CRLF3: variants seen among roughly 807,000 people sequenced by gnomAD.
CRLF3 encodes the protein cytokine receptor like factor 3.
Under a neutral mutation model 55.0 loss-of-function variants are expected in CRLF3, and 33 were observed. That is an observed-to-expected ratio of 0.60 (90% CI 0.46 to 0.80). CRLF3 has a LOEUF of 0.80. CRLF3 is among the 30% of genes least tolerant of loss of function. The pLI, the probability that CRLF3 is intolerant of heterozygous loss-of-function variation, is 0.00. For missense variants in CRLF3, 494 were observed against 538.4 expected, an observed-to-expected ratio of 0.92 and a Z score of 0.82; for synonymous variants, 238 against 196.8, an observed-to-expected ratio of 1.21 and a Z score of -1.75.
At chr17:30,821,135 A>G (rs1904984181) in intron 1 of CRLF3, among the ~76,000 whole-genome samples, 2 of 151,596 alleles carry the variant, frequency 1.3e-5, no homozygotes, top group South Asian at 4.2e-4. Flanking sequence ...TGTTCATCTG[A>G]GCCCAGGAGG....
rs901865782 is a variant in CRLF3, at chr17:30,796,870, G to A, written c.425+441C>T. On this transcript the variant is annotated intron_variant, in intron 3 of 7. Coordinates refer to ENST00000324238, the MANE Select transcript of CRLF3 (RefSeq NM_015986.4). ...TCTCGAGTAGCTGGGACTTACAGGC[G>A]CACGCCACCATGCCCGGATAATTTT... is the stretch of plus-strand genomic sequence containing the variant. Among the ~76,000 whole-genome samples the A allele has an allele frequency of 5.9e-5, 9 of 151,516 alleles. No individual in the cohort carries two copies. The South Asian group carries it at 6.3e-4, about 11-fold the overall frequency.
chr17:30,808,578 G>A lies in CRLF3; in HGVS notation c.130-4470C>T, dbSNP rs949257811. On this transcript the variant is annotated intron_variant, in intron 1 of 7. Coordinates refer to ENST00000324238, the MANE Select transcript of CRLF3 (RefSeq NM_015986.4). ...GCTGGAATTACAGGCGTGAGCCAAC[G>A]CGCCCAGCCAAACCTGTATATATAT... Among the ~76,000 whole-genome samples, 13 of 150,716 alleles carry A rather than the reference G, an allele frequency of 8.6e-5. No individual in the cohort carries two copies. The South Asian group carries it at 1.3e-3, about 15-fold the overall frequency.
chr17:30,815,583 G>C (rs1387987593), intron 1 of CRLF3, among the ~76,000 whole-genome samples: 1 of 120,464 alleles, frequency 8.3e-6, no homozygotes, highest in African/African-American at 3.2e-5. Context: ...CCACTCTGTT[G>C]CCCAGGCTGA....
At chr17:30,789,327 A>C (rs1971731130) in intron 6 of CRLF3, among the ~76,000 whole-genome samples, 1 of 152,178 alleles carries the variant, frequency 6.6e-6, no homozygotes, top group Non-Finnish European at 1.5e-5. Context: ...CCAATGTCTT[A>C]ATAAATATTT....
intron 1 of CRLF3, among the ~76,000 whole-genome samples, chr17:30,816,281 CA>C (rs547414738): frequency 0.021 from 1,349 of 64,332 alleles, 17 homozygotes; most frequent in African/African-American, 0.064. Context: ...GACTCCATCT[CA>C]AAAAAAAAAA....
rs370829763 is a variant in CRLF3, at chr17:30,792,611, CT to C, written c.827-40del. The C allele has an allele frequency of 5.3e-5, 83 of 1,572,072 alleles. No individual in the cohort carries two copies. The African/African-American group carries it at 9.7e-4, about 18-fold the overall frequency. The stretch of plus-strand genomic sequence containing the variant: ...AAGATATTGAAAACTGTTAGAATCT[CT>C]TGAGGGATATCTTCAATACAGACAC... On this transcript the variant is annotated intron_variant, in intron 5 of 7. Coordinates refer to ENST00000324238, the MANE Select transcript of CRLF3 (RefSeq NM_015986.4).
At position 30,783,058 on chromosome 17, in the gene CRLF3, C is replaced by G. The variant is rs1971536150; in HGVS notation, c.*1129G>C. On this transcript the variant is annotated 3_prime_UTR_variant, in exon 8 of 8. Coordinates refer to ENST00000324238, the MANE Select transcript of CRLF3 (RefSeq NM_015986.4). ...TAAGTATTTACGCTATATTTTTTTG[C>G]TCTGCTAAAAAGAGACCACTTATTA... 6.6e-6 allele frequency: 1 copy of G among 151,912 alleles called. No individual in the cohort carries two copies. The highest frequency in any genetic ancestry group is 2.4e-5 in the African/African-American group (1 of 41,350). The allele number at this position is 151,912 out of a possible 1,614,324, so 9.4% of individuals were successfully genotyped here.
At chr17:30,787,487 T>C (rs1461198350) in intron 6 of CRLF3, 2 of 151,536 alleles carry the variant, frequency 1.3e-5, no homozygotes, top group African/African-American at 4.9e-5. Flanking sequence ...CAGATCCCTA[T>C]TGCCAGACAC....
At chr17:30,804,312 T>G (rs1388289336) in intron 1 of CRLF3, among the ~76,000 whole-genome samples, 2 of 152,220 alleles carry the variant, frequency 1.3e-5, no homozygotes, top group African/African-American at 4.8e-5. Flanking sequence ...CTAATTAACA[T>G]GTCCATCTCT....
chr17:30,817,445 A>C (rs1053040872), intron 1 of CRLF3, among the ~76,000 whole-genome samples: 1 of 152,002 alleles, frequency 6.6e-6, no homozygotes, highest in African/African-American at 2.4e-5. Flanking sequence ...TCAAAAAAAA[A>C]AGCTTTGCAT....
intron 6 of CRLF3, among the ~76,000 whole-genome samples, chr17:30,788,879 T>C (rs535171667): frequency 5.3e-5 from 8 of 152,174 alleles, no homozygotes; most frequent in Admixed American, 5.2e-4. Context: ...GTGCTGGGAT[T>C]ACAGGCGTGA....
intron 1 of CRLF3, among the ~76,000 whole-genome samples, chr17:30,819,787 A>G (rs575827724): frequency 3.3e-5 from 5 of 152,340 alleles, no homozygotes; most frequent in Middle Eastern, 6.8e-3. Context: ...ATGAATACAC[A>G]AATAGAACTT....
chr17:30,808,595 T>C (rs1244563689), intron 1 of CRLF3, among the ~76,000 whole-genome samples: 1 of 149,230 alleles, frequency 6.7e-6, no homozygotes, highest in Non-Finnish European at 1.5e-5. Context: ...GCCAAACCTG[T>C]ATATATATAT....
chr17:30,802,497 C>T (rs1430891100), intron 2 of CRLF3, among the ~76,000 whole-genome samples: 1 of 152,100 alleles, frequency 6.6e-6, no homozygotes, highest in African/African-American at 2.4e-5. Flanking sequence ...GTGGTGCAAT[C>T]ACGGCTCACT....
At chr17:30,799,648 G>A (rs1971975245) in intron 2 of CRLF3, among the ~76,000 whole-genome samples, 1 of 151,962 alleles carries the variant, frequency 6.6e-6, no homozygotes, top group African/African-American at 2.4e-5. Flanking sequence ...AGGATTACAG[G>A]TGCCCACCAC....
At chr17:30,785,775 TC>T (rs1374769407) in intron 7 of CRLF3, 143 bp downstream of exon 7, 2 of 556,664 alleles carry the variant, frequency 3.6e-6, no homozygotes, top group African/African-American at 4.0e-5. Flanking sequence ...GAGTGAGACT[TC>T]ATAATAAAAA....
chr17:30,790,082 AAAAC>A (rs1432240179), intron 6 of CRLF3, among the ~76,000 whole-genome samples: 1 of 152,146 alleles, frequency 6.6e-6, no homozygotes, highest in African/African-American at 2.4e-5. Flanking sequence ...AAAATTAGAC[AAAAC>A]AAACTAGTAT....
At chr17:30,824,481 A>AC (rs1905083412) in intron 1 of CRLF3, 42 bp downstream of exon 1, 1 of 1,532,348 alleles carries the variant, frequency 6.5e-7, no homozygotes, top group Non-Finnish European at 8.7e-7. Context: ...CATCCGCGCC[A>AC]CCCCCGGGCC....
Position 30,783,993 on chromosome 17 carries a change from T to G in CRLF3, c.*194A>C. The stretch of plus-strand genomic sequence containing the variant: ...TTTAACAGTATGCTAAAAATAAAAT[T>G]GACTGAATTGTATGATTTTGTCCAC... On this transcript the variant is annotated 3_prime_UTR_variant, in exon 8 of 8. Transcript: ENST00000324238. 1 of 536,150 alleles carries G rather than the reference T, an allele frequency of 1.9e-6. No homozygotes were observed. Among genetic ancestry groups the G allele is most frequent in the Non-Finnish European group, 3.3e-6 (1 of 304,546 alleles). 33.2% of individuals were successfully genotyped at this position (536,150 alleles called of 1,614,324 possible).
Sources: allele counts gnomAD v4.1 joint callset (sites outside exome capture counted in the v4.1 genomes callset), GRCh38; gene constraint gnomAD v4.1.1; transcripts MANE v1.5; gene names NCBI Gene and HGNC (gene_info 2026-07-23, HGNC 2026-07-21).